Variants in NRCAM observed in about 807,000 individuals in gnomAD.
NRCAM encodes neuronal cell adhesion molecule, also known as NgCAM-related cell adhesion molecule.
NRCAM carries 83 observed loss-of-function variants against 156.5 expected under a neutral mutation model. The observed-to-expected ratio is 0.53, with a 90% CI of 0.44 to 0.64. The LOEUF (loss-of-function observed/expected upper bound fraction) is 0.64, where lower values mean the gene tolerates loss of function less well. Ranked by LOEUF, NRCAM falls within the 30% of genes least tolerant of loss-of-function variation. The pLI is 0.00. For synonymous variants in NRCAM, 538 were observed against 563.9 expected (o/e 0.95, Z 0.65); for missense variants, 1,417 against 1,597.3 (o/e 0.89, Z 1.92).
chr7:108,434,571 C>G (rs1274578544), intron 1 of NRCAM, among the ~76,000 whole-genome samples: 1 of 151,642 alleles, frequency 6.6e-6, no homozygotes, highest in African/African-American at 2.4e-5. Flanking sequence ...CACACACACA[C>G]ACACACACGA....
chr7:108,172,454 C>G (rs1340457664), intron 28 of NRCAM, among the ~76,000 whole-genome samples: 1 of 152,040 alleles, frequency 6.6e-6, no homozygotes, highest in East Asian at 1.9e-4. Flanking sequence ...TACTACCACG[C>G]CTGGCTAATT....
At chr7:108,153,812 ATAT>A (rs1465692447) in intron 32 of NRCAM, among the ~76,000 whole-genome samples, 2 of 152,164 alleles carry the variant, frequency 1.3e-5, no homozygotes, top group South Asian at 2.1e-4. Context: ...AAAATTCAAA[ATAT>A]TATTCCATTT....
At chr7:108,339,302 CAG>C (rs1277230555) in intron 2 of NRCAM, among the ~76,000 whole-genome samples, 1 of 152,192 alleles carries the variant, frequency 6.6e-6, no homozygotes, top group Non-Finnish European at 1.5e-5. Context: ...CTTGTGGAAG[CAG>C]AGTTAGAAAA....
At chr7:108,189,241 C>T (rs1236847239) in intron 20 of NRCAM, among the ~76,000 whole-genome samples, 2 of 152,162 alleles carry the variant, frequency 1.3e-5, no homozygotes, top group East Asian at 3.9e-4. Flanking sequence ...AGTTACTTTA[C>T]TCATCAAGTA....
intron 3 of NRCAM, among the ~76,000 whole-genome samples, chr7:108,268,636 T>TGGGGGGGGGGGGGGAG (rs1300340254): frequency 1.2e-4 from 1 of 8,492 alleles, no homozygotes; most frequent in Non-Finnish European, 2.2e-4. Flanking sequence ...GGGGGGGGGT[T>TGGGGGGGGGGGGGGAG]GGGGGGGGCG....
At chr7:108,363,980 A>G (rs2099575847) in intron 2 of NRCAM, among the ~76,000 whole-genome samples, 1 of 152,176 alleles carries the variant, frequency 6.6e-6, no homozygotes, top group Non-Finnish European at 1.5e-5. Flanking sequence ...AAAAAACAAG[A>G]TTAGTAAAAA....
At chr7:108,251,034 C>T (rs574512392) in intron 3 of NRCAM, among the ~76,000 whole-genome samples, 2 of 152,206 alleles carry the variant, frequency 1.3e-5, no homozygotes, top group South Asian at 4.2e-4. Context: ...AACAGAAAAA[C>T]CTCTGGTTTT....
At chr7:108,340,167 A>G (rs1235089929) in intron 2 of NRCAM, among the ~76,000 whole-genome samples, 2 of 146,140 alleles carry the variant, frequency 1.4e-5, no homozygotes, top group Non-Finnish European at 3.0e-5. Context: ...TCTCCAACTA[A>G]TAAGCAACCC....
intron 3 of NRCAM, among the ~76,000 whole-genome samples, chr7:108,290,470 C>A (rs1455690308): frequency 1.3e-5 from 2 of 152,114 alleles, no homozygotes; most frequent in African/African-American, 4.8e-5. Context: ...CCATTTTCCT[C>A]AAACATTTAA....
intron 26 of NRCAM, 50 bp downstream of exon 26, chr7:108,177,940 A>G: frequency 6.6e-7 from 1 of 1,525,444 alleles, no homozygotes; most frequent in Non-Finnish European, 8.8e-7. Flanking sequence ...TTAAAATAAT[A>G]AATAAAATAA....
chr7:108,444,951 T>A (rs1256291465), intron 1 of NRCAM, among the ~76,000 whole-genome samples: 1 of 152,186 alleles, frequency 6.6e-6, no homozygotes, highest in Non-Finnish European at 1.5e-5. Context: ...AGGAACAGAA[T>A]AAATGCAAAA....
chr7:108,435,714 T>A (rs1831213104), intron 1 of NRCAM, among the ~76,000 whole-genome samples: 1 of 152,210 alleles, frequency 6.6e-6, no homozygotes, highest in Non-Finnish European at 1.5e-5. Flanking sequence ...TTCACCTATA[T>A]AATAAACCTG....
chr7:108,209,712 A>G (rs925091487), intron 11 of NRCAM, 107 bp from the exon 12 acceptor site: 18 of 775,794 alleles, frequency 2.3e-5, no homozygotes, highest in African/African-American at 3.6e-5. Flanking sequence ...TTAAAAAATC[A>G]TAAGAAATAC....
chr7:108,403,291 T>C (rs2099798261), intron 1 of NRCAM, among the ~76,000 whole-genome samples: 1 of 152,202 alleles, frequency 6.6e-6, no homozygotes, highest in Non-Finnish European at 1.5e-5. Context: ...CTAAAAACTT[T>C]TGACTTCCCA....
At chr7:108,422,009 T>C (rs1810609268) in intron 1 of NRCAM, among the ~76,000 whole-genome samples, 1 of 152,186 alleles carries the variant, frequency 6.6e-6, no homozygotes, top group Non-Finnish European at 1.5e-5. Flanking sequence ...GTAGTCAAAA[T>C]AGTCAAAACA....
chr7:108,160,442 G>C lies in NRCAM; in HGVS notation c.3517C>G (p.Leu1173Val). The C allele has an allele frequency of 6.2e-7, 1 of 1,613,736 alleles. No individual in the cohort carries two copies. The highest frequency in any genetic ancestry group is 8.5e-7 in the Non-Finnish European group (1 of 1,179,750). ...DIATQGWFIG[L>V]MCAVALLILI... is the part of the protein sequence containing the mutation. The stretch of plus-strand genomic sequence containing the variant: ...ATAAGGAGAGCAACAGCACACATCA[G>C]ACCAATGAACCAGCCCTGAGTTGCA... Residue 1173 changes from leucine to valine, a missense_variant, in exon 31 of 33, where the codon CTG becomes GTG. This residue lies in a region of NRCAM where 179 missense variants were observed against 260.9 expected (regional missense o/e 0.69). Coordinates refer to ENST00000379028, the MANE Select transcript of NRCAM (RefSeq NM_001037132.4).
chr7:108,198,565 G>A (rs368492452), intron 13 of NRCAM, among the ~76,000 whole-genome samples: 15 of 152,096 alleles, frequency 9.9e-5, no homozygotes, highest in African/African-American at 2.2e-4. Flanking sequence ...AAACATTGCC[G>A]TGTTCAAGAG....
intron 30 of NRCAM, among the ~76,000 whole-genome samples, chr7:108,161,705 C>T (rs1032368851): frequency 6.6e-6 from 1 of 152,066 alleles, no homozygotes; most frequent in Non-Finnish European, 1.5e-5. Flanking sequence ...AAAATAGCAT[C>T]TCATTGCCTC....
At chr7:108,344,170 GA>G (rs2099326597) in intron 2 of NRCAM, among the ~76,000 whole-genome samples, 2 of 152,168 alleles carry the variant, frequency 1.3e-5, no homozygotes, top group Non-Finnish European at 2.9e-5. Flanking sequence ...GGGGTACTGA[GA>G]GACAGGACTA....
Sources: allele counts gnomAD v4.1 joint callset (sites outside exome capture counted in the v4.1 genomes callset), GRCh38; gene constraint gnomAD v4.1.1; regional missense constraint gnomAD v4.1.1; transcripts MANE v1.5; gene names NCBI Gene and HGNC (gene_info 2026-07-23, HGNC 2026-07-21).